The following ENTREP2 variants were observed in gnomAD, a reference collection of about 807,000 sequenced individuals.
ENTREP2 encodes endosomal transmembrane epsin interactor 2.
At chr15:29,139,022 C>A in the ENTREP2 span, among the ~76,000 whole-genome samples, 694 of 152,100 alleles carry the variant, frequency 4.6e-3, 4 homozygotes, top group African/African-American at 0.016. Context: ...GGTGTTGGAG[C>A]TGGGGAGCAG....
chr15:29,118,837 A>G, the ENTREP2 span, among the ~76,000 whole-genome samples: 1 of 152,098 alleles, frequency 6.6e-6, no homozygotes, highest in Non-Finnish European at 1.5e-5. Flanking sequence ...TTCTGGTGTC[A>G]CCTGGTGTGG....
chr15:29,414,145 G>T, the ENTREP2 span, among the ~76,000 whole-genome samples: 1 of 151,990 alleles, frequency 6.6e-6, no homozygotes, highest in Non-Finnish European at 1.5e-5. Context: ...TGCACCAAGC[G>T]GACCTAATAG....
chr15:29,589,524 G>C, the ENTREP2 span, among the ~76,000 whole-genome samples: 1 of 152,086 alleles, frequency 6.6e-6, no homozygotes, highest in African/African-American at 2.4e-5. Context: ...CGGAGAAGGG[G>C]CTGCATATCA....
chr15:29,554,946 T>A, the ENTREP2 span, among the ~76,000 whole-genome samples: 1 of 152,232 alleles, frequency 6.6e-6, no homozygotes, highest in Non-Finnish European at 1.5e-5. Context: ...TACACAAAAA[T>A]GTCAGCTCAA....
At chr15:29,154,459 G>GA in the ENTREP2 span, among the ~76,000 whole-genome samples, 17,300 of 147,160 alleles carry the variant, frequency 0.12, 1,552 homozygotes, top group African/African-American at 0.25. Context: ...GTCAGAAATA[G>GA]AAAAAAAAAA....
the ENTREP2 span, among the ~76,000 whole-genome samples, chr15:29,468,591 C>T: frequency 7.5e-6 from 1 of 133,194 alleles, no homozygotes; most frequent in Admixed American, 8.4e-5. Context: ...GCCTGCGCAA[C>T]GAGAGCAAAA....
chr15:29,381,195 G>A, the ENTREP2 span, among the ~76,000 whole-genome samples: 2 of 146,708 alleles, frequency 1.4e-5, no homozygotes, highest in Non-Finnish European at 3.0e-5. Flanking sequence ...AGTGGCTCAT[G>A]CCTGTAATCC....
the ENTREP2 span, among the ~76,000 whole-genome samples, chr15:29,594,893 C>T: frequency 4.0e-5 from 6 of 151,566 alleles, no homozygotes; most frequent in Admixed American, 6.6e-5. Flanking sequence ...GGTGAAACCC[C>T]GTCTCTACTA....
chr15:29,123,294 C>T, the ENTREP2 span: 2 of 1,463,016 alleles, frequency 1.4e-6, no homozygotes, highest in African/African-American at 2.8e-5. Context: ...CCAAGAACAT[C>T]TGTGGCGCCA....
chr15:29,644,450 A>G, the ENTREP2 span, among the ~76,000 whole-genome samples: 1 of 152,370 alleles, frequency 6.6e-6, no homozygotes, highest in East Asian at 1.9e-4. Flanking sequence ...TATCGAAAGG[A>G]GTCATATAGA....
the ENTREP2 span, among the ~76,000 whole-genome samples, chr15:29,206,658 G>C: frequency 6.6e-6 from 1 of 152,080 alleles, no homozygotes; most frequent in Non-Finnish European, 1.5e-5. Flanking sequence ...CCAATCCGGG[G>C]TGCGACATAA....
chr15:29,585,680 C>T, the ENTREP2 span, among the ~76,000 whole-genome samples: 2 of 152,096 alleles, frequency 1.3e-5, no homozygotes, highest in African/African-American at 2.4e-5. Flanking sequence ...TACGGGGAAA[C>T]CCCGTCTCTA....
the ENTREP2 span, among the ~76,000 whole-genome samples, chr15:29,201,332 C>T: frequency 5.3e-5 from 8 of 152,268 alleles, no homozygotes; most frequent in Non-Finnish European, 5.9e-5. Flanking sequence ...AAAAATGGTA[C>T]GAATGAGCAT....
the ENTREP2 span, among the ~76,000 whole-genome samples, chr15:29,387,989 T>C: frequency 6.6e-5 from 10 of 151,878 alleles, no homozygotes; most frequent in Middle Eastern, 3.4e-3. Context: ...TAAAGACTTA[T>C]ATGTTAGACC....
the ENTREP2 span, among the ~76,000 whole-genome samples, chr15:29,529,279 T>C: frequency 9.7e-6 from 1 of 102,942 alleles, no homozygotes; most frequent in Non-Finnish European, 2.1e-5. Flanking sequence ...GTGTGGTAGC[T>C]AATCCAGTAA....
At chr15:29,120,283 G>GATC in the ENTREP2 span, 1 of 152,298 alleles carries the variant, frequency 6.6e-6, no homozygotes, top group Middle Eastern at 3.4e-3. Context: ...TTAAAACACG[G>GATC]ATCATTATTA....
the ENTREP2 span, among the ~76,000 whole-genome samples, chr15:29,529,426 C>A: frequency 6.6e-6 from 1 of 151,790 alleles, no homozygotes; most frequent in Non-Finnish European, 1.5e-5. Context: ...AATCCAGCAG[C>A]CTCTGGGCTG....
At chr15:29,337,634 A>T in the ENTREP2 span, among the ~76,000 whole-genome samples, 4 of 152,220 alleles carry the variant, frequency 2.6e-5, 1 homozygote, top group South Asian at 8.3e-4. Context: ...GAATGCCCAG[A>T]CTTTGAGATC....
chr15:29,222,927 A>G, the ENTREP2 span, among the ~76,000 whole-genome samples: 1 of 152,248 alleles, frequency 6.6e-6, no homozygotes, highest in Admixed American at 6.5e-5. Context: ...CATGTGATAC[A>G]ATCTCATGAC....
Sources: gnomAD v4.1 joint callset for allele counts (sites outside exome capture counted in the v4.1 genomes callset) on GRCh38, gnomAD v4.1.1 for gene constraint, MANE v1.5 for transcripts, NCBI Gene and HGNC (gene_info 2026-07-23, HGNC 2026-07-21) for gene names.